The following EYA1 variants were observed in gnomAD, a reference collection of about 807,000 sequenced individuals.
The protein encoded by EYA1 is EYA transcriptional coactivator and phosphatase 1, also known as protein phosphatase EYA1.
In EYA1, 16 loss-of-function variants were observed where a neutral mutation model predicts 82.0. The observed-to-expected ratio is 0.20, with a 90% CI of 0.13 to 0.30. The LOEUF is 0.30. EYA1 is among the 10% of genes least tolerant of loss of function. The pLI, the probability that EYA1 is intolerant of heterozygous loss-of-function variation, is 1.00. For synonymous variants in EYA1, 261 were observed against 264.4 expected (o/e 0.99, Z 0.12); for missense variants, 633 against 730.7 (o/e 0.87, Z 1.54).
At chr8:71,540,917 G>T (rs968335712) in intron 1 of EYA1, among the ~76,000 whole-genome samples, 1 of 152,154 alleles carries the variant, frequency 6.6e-6, no homozygotes, top group Non-Finnish European at 1.5e-5. Flanking sequence ...GACTACAACT[G>T]CAGATTGAAT....
intron 3 of EYA1, among the ~76,000 whole-genome samples, chr8:71,346,431 AATATATATATAT>A (rs3066856): frequency 9.5e-6 from 1 of 105,492 alleles, no homozygotes; most frequent in African/African-American, 3.4e-5. Context: ...TACTGCAGTG[AATATATATATAT>A]ATATATATAT....
intron 2 of EYA1, among the ~76,000 whole-genome samples, chr8:71,462,762 G>A (rs1022679844): frequency 1.3e-5 from 2 of 152,336 alleles, no homozygotes; most frequent in Non-Finnish European, 2.9e-5. Flanking sequence ...CCTAGGGGCA[G>A]GTCCTGCCCA....
At chr8:71,244,739 C>T (rs559955624) in intron 11 of EYA1, 47 bp from the exon 12 acceptor site, 1 of 1,129,234 alleles carries the variant, frequency 8.9e-7, no homozygotes, top group Admixed American at 1.7e-5. Flanking sequence ...CTTCAGGTTA[C>T]ATGAAAGAGA....
At chr8:71,277,286 C>T (rs1049270433) in intron 9 of EYA1, among the ~76,000 whole-genome samples, 1 of 151,888 alleles carries the variant, frequency 6.6e-6, no homozygotes, top group African/African-American at 2.4e-5. Context: ...GCTAGGACTA[C>T]AGGCACATGA....
chr8:71,532,088 A>T (rs1019522133), intron 2 of EYA1, among the ~76,000 whole-genome samples: 1 of 152,162 alleles, frequency 6.6e-6, no homozygotes, highest in Non-Finnish European at 1.5e-5. Context: ...CATGATAGGA[A>T]TATTGCACTT....
intron 2 of EYA1, among the ~76,000 whole-genome samples, chr8:71,504,809 T>C (rs1812067362): frequency 1.3e-5 from 2 of 152,188 alleles, no homozygotes. Context: ...TGTTTTTTGT[T>C]TTATTTTTTT....
At chr8:71,347,521 A>C (rs1825858928) in intron 3 of EYA1, among the ~76,000 whole-genome samples, 1 of 151,894 alleles carries the variant, frequency 6.6e-6, no homozygotes, top group Non-Finnish European at 1.5e-5. Flanking sequence ...ACGGGGTTTC[A>C]CCTTGTTATC....
chr8:71,423,276 C>G (rs1831243989), intron 2 of EYA1, among the ~76,000 whole-genome samples: 1 of 151,760 alleles, frequency 6.6e-6, no homozygotes, highest in Admixed American at 6.6e-5. Flanking sequence ...TGAATGGAAA[C>G]AGCATACTGT....
intron 17 of EYA1, among the ~76,000 whole-genome samples, chr8:71,208,030 A>G (rs896821060): frequency 3.9e-5 from 6 of 152,240 alleles, no homozygotes. Context: ...TATAATATAC[A>G]TGGAAGTAAT....
chr8:71,507,956 G>T (rs1812316667), intron 2 of EYA1, among the ~76,000 whole-genome samples: 1 of 152,090 alleles, frequency 6.6e-6, no homozygotes, highest in South Asian at 2.1e-4. Context: ...GATTAAATAT[G>T]AATTCATTAT....
chr8:71,521,333 T>C (rs927186232), intron 2 of EYA1, among the ~76,000 whole-genome samples: 2 of 152,310 alleles, frequency 1.3e-5, no homozygotes, highest in East Asian at 1.9e-4. Context: ...AAGATCATCA[T>C]ATTTGTGAGT....
intron 12 of EYA1, among the ~76,000 whole-genome samples, chr8:71,237,025 G>A (rs1161102910): frequency 6.6e-6 from 1 of 150,784 alleles, no homozygotes; most frequent in Admixed American, 6.6e-5. Flanking sequence ...CCTATTTCAT[G>A]TGCAAGAGGC....
intron 11 of EYA1, among the ~76,000 whole-genome samples, chr8:71,265,615 CA>C (rs1232022602): frequency 4.6e-5 from 7 of 152,154 alleles, no homozygotes. Flanking sequence ...GACATCAGCA[CA>C]ATTTTGATTT....
At position 71,354,441 on chromosome 8, in the gene EYA1, AC is replaced by A. The variant is rs370746988; in HGVS notation, c.124+340del. ...ATTCCAAGTTTTCACTGGTCACACA[AC>A]AAAACAACACAAATTGATACTGCAG... On this transcript the variant is annotated intron_variant, in intron 3 of 17. Coordinates refer to ENST00000340726, the MANE Select transcript of EYA1 (RefSeq NM_000503.6). 2.5e-4 allele frequency among the ~76,000 whole-genome samples: 38 copies of A among 152,342 alleles called. No individual in the cohort carries two copies. In the South Asian group the frequency reaches 6.8e-3, roughly 27 times the overall value.
rs117282250 is a variant in EYA1 at position 71,295,655 on chromosome 8, G to C, written c.826+3392C>G. On this transcript the variant is annotated intron_variant, in intron 9 of 17. Coordinates refer to ENST00000340726, the MANE Select transcript of EYA1 (RefSeq NM_000503.6). The stretch of plus-strand genomic sequence containing the variant: ...GTATAGCCACTTTGGAAGATGATTT[G>C]GAAGTTTCTTCTAAAGCTAAACGTA... Among the ~76,000 whole-genome samples, 323 of 152,254 alleles carry C rather than the reference G, an allele frequency of 2.1e-3. 3 individuals are homozygous for C. The highest frequency in any genetic ancestry group is 3.4e-3 in the Middle Eastern group (1 of 294).
intron 2 of EYA1, among the ~76,000 whole-genome samples, chr8:71,437,908 A>G (rs1270157561): frequency 6.6e-6 from 1 of 152,166 alleles, no homozygotes; most frequent in Non-Finnish European, 1.5e-5. Flanking sequence ...ATGACATTCA[A>G]TTTGAGAATC....
At chr8:71,263,739 G>C in intron 11 of EYA1, among the ~76,000 whole-genome samples, 1 of 152,248 alleles carries the variant, frequency 6.6e-6, no homozygotes, top group Non-Finnish European at 1.5e-5. Context: ...TATCATCTCT[G>C]ACACACATTC....
chr8:71,541,935 C>T (rs1259926056), intron 1 of EYA1, among the ~76,000 whole-genome samples: 3 of 152,118 alleles, frequency 2.0e-5, no homozygotes, highest in African/African-American at 7.2e-5. Flanking sequence ...AAATAACAAG[C>T]TGCAAACAAC....
intron 2 of EYA1, among the ~76,000 whole-genome samples, chr8:71,396,546 T>G (rs186758329): frequency 6.6e-6 from 1 of 152,360 alleles, no homozygotes; most frequent in Non-Finnish European, 1.5e-5. Flanking sequence ...CATTTCGTTA[T>G]ATAGCCAGTA....
Sources: allele counts gnomAD v4.1 joint callset (sites outside exome capture counted in the v4.1 genomes callset), GRCh38; gene constraint gnomAD v4.1.1; transcripts MANE v1.5; gene names NCBI Gene and HGNC (gene_info 2026-07-23, HGNC 2026-07-21).